NAV3: variants seen among roughly 807,000 people sequenced by gnomAD.
NAV3 encodes pore membrane and/or filament interacting like protein 1.
A neutral mutation model predicts 244.7 loss-of-function variants in NAV3; 87 were observed. That is an observed-to-expected ratio of 0.36 (90% CI 0.30 to 0.42). The LOEUF is 0.42. Among genes scored for constraint, NAV3 ranks in the 20% least tolerant of loss-of-function variants. The pLI is 1.00. For synonymous variants in NAV3, 1,126 were observed against 1,042.2 expected (o/e 1.08, Z -1.55); for missense variants, 2,663 against 2,893.3 (o/e 0.92, Z 1.83).
intron 39 of NAV3, 53 bp downstream of exon 39, chr12:78,205,191 T>A: frequency 1.3e-6 from 2 of 1,523,884 alleles, no homozygotes; most frequent in Non-Finnish European, 1.8e-6. Flanking sequence ...CAGTGTATAG[T>A]CATTAATATT....
At chr12:77,582,273 C>G (rs866400097) in intron 2 of NAV3, among the ~76,000 whole-genome samples, 15 of 152,136 alleles carry the variant, frequency 9.9e-5, no homozygotes, top group Admixed American at 7.9e-4. Flanking sequence ...CAAAGCCTTT[C>G]TAGTGTTTCT....
chr12:77,794,146 C>A (rs1397233062), intron 2 of NAV3, among the ~76,000 whole-genome samples: 4 of 152,200 alleles, frequency 2.6e-5, no homozygotes, highest in Admixed American at 2.6e-4. Flanking sequence ...TGTTCATATA[C>A]TTCACCCACT....
At chr12:78,092,601 G>A (rs1436702917) in intron 12 of NAV3, among the ~76,000 whole-genome samples, 3 of 139,504 alleles carry the variant, frequency 2.2e-5, no homozygotes, top group African/African-American at 8.0e-5. Flanking sequence ...CCGGGTTCAC[G>A]CCATTTTCCT....
At chr12:78,066,299 C>CAAAAT (rs763235818) in intron 12 of NAV3, among the ~76,000 whole-genome samples, 2 of 152,038 alleles carry the variant, frequency 1.3e-5, no homozygotes, top group East Asian at 1.9e-4. Context: ...GTTTTTACCA[C>CAAAAT]AAAATAAAAT....
chr12:77,649,648 T>C (rs1009365412), intron 2 of NAV3, among the ~76,000 whole-genome samples: 1 of 152,198 alleles, frequency 6.6e-6, no homozygotes, highest in African/African-American at 2.4e-5. Context: ...GTGACCTTCA[T>C]ATTTTAATCT....
chr12:77,596,397 A>T (rs887744032), intron 2 of NAV3, among the ~76,000 whole-genome samples: 1 of 152,174 alleles, frequency 6.6e-6, no homozygotes, highest in African/African-American at 2.4e-5. Flanking sequence ...TTCTAGATAT[A>T]TTAGAACATA....
At chr12:77,770,359 C>G (rs910547377) in intron 2 of NAV3, among the ~76,000 whole-genome samples, 1 of 152,072 alleles carries the variant, frequency 6.6e-6, no homozygotes, top group African/African-American at 2.4e-5. Flanking sequence ...TAGAGACCTC[C>G]CAGAGGTTTG....
At chr12:77,885,024 G>T (rs753450172) in intron 1 of NAV3, among the ~76,000 whole-genome samples, 5 of 152,032 alleles carry the variant, frequency 3.3e-5, no homozygotes, top group African/African-American at 4.8e-5. Flanking sequence ...CATCTTTATT[G>T]TTGGAAGAGT....
At chr12:77,956,764 CAG>C (rs1221814586) in intron 3 of NAV3, among the ~76,000 whole-genome samples, 1 of 147,672 alleles carries the variant, frequency 6.8e-6, no homozygotes, top group Non-Finnish European at 1.5e-5. Flanking sequence ...TTATTTGAGA[CAG>C]AGTCTCACTC....
chr12:77,610,304 C>T (rs768062981), intron 2 of NAV3, among the ~76,000 whole-genome samples: 16 of 152,030 alleles, frequency 1.1e-4, no homozygotes, highest in Non-Finnish European at 2.2e-4. Flanking sequence ...ATCTTCCTGC[C>T]GTGTCTCTGA....
At chr12:77,887,678 CTT>C (rs1883448784) in intron 1 of NAV3, among the ~76,000 whole-genome samples, 1 of 152,034 alleles carries the variant, frequency 6.6e-6, no homozygotes, top group African/African-American at 2.4e-5. Flanking sequence ...CTTTGAGAGA[CTT>C]ATTTAGAGAG....
intron 2 of NAV3, among the ~76,000 whole-genome samples, chr12:77,710,053 T>C (rs1395459987): frequency 6.6e-6 from 1 of 152,184 alleles, no homozygotes; most frequent in Non-Finnish European, 1.5e-5. Context: ...ACTATAGTAA[T>C]CTGTGTCTTA....
intron 2 of NAV3, among the ~76,000 whole-genome samples, chr12:77,821,117 G>C (rs1872727397): frequency 6.7e-6 from 1 of 148,642 alleles, no homozygotes; most frequent in Non-Finnish European, 1.5e-5. Flanking sequence ...ACACACAGCT[G>C]TTTTGAAATA....
At chr12:77,750,377 G>T (rs1219069788) in intron 2 of NAV3, among the ~76,000 whole-genome samples, 1 of 151,778 alleles carries the variant, frequency 6.6e-6, no homozygotes, top group African/African-American at 2.4e-5. Flanking sequence ...AAAAATACAA[G>T]AACAGAACAT....
chr12:77,961,692 G>A (rs1178046594), intron 3 of NAV3, among the ~76,000 whole-genome samples: 1 of 145,828 alleles, frequency 6.9e-6, no homozygotes, highest in African/African-American at 2.5e-5. Flanking sequence ...TGTAATATAT[G>A]TTATATAATA....
chr12:78,036,957 T>C (rs1298406373), intron 9 of NAV3: 1 of 702,946 alleles, frequency 1.4e-6, no homozygotes, highest in Non-Finnish European at 2.6e-6. Flanking sequence ...GACCAATCTT[T>C]CCCTCACCAG....
chr12:77,849,234 A>G (rs1000405306), intron 1 of NAV3, among the ~76,000 whole-genome samples: 1 of 137,514 alleles, frequency 7.3e-6, no homozygotes, highest in Non-Finnish European at 1.7e-5. Flanking sequence ...GTTGTATGTA[A>G]TAGTGATTTA....
At chr12:78,054,709 T>C (rs1177487464) in intron 11 of NAV3, among the ~76,000 whole-genome samples, 1 of 152,086 alleles carries the variant, frequency 6.6e-6, no homozygotes, top group Non-Finnish European at 1.5e-5. Context: ...GGACTACCCA[T>C]GAAGGCATAA....
chr12:78,148,132 T>C lies in NAV3; in HGVS notation c.4708-710T>C, dbSNP rs55855109. ...TTAGAATATACATTATATTGGTTTA[T>C]CTAATTAGTTGCACCTATCATTGGT... On this transcript the variant is annotated intron_variant, in intron 21 of 39. Coordinates refer to ENST00000397909, the MANE Select transcript of NAV3 (RefSeq NM_001024383.2). Among the ~76,000 whole-genome samples the C allele has an allele frequency of 2.9e-3, 437 of 152,224 alleles. 3 individuals carry two copies. The highest frequency in any genetic ancestry group is 9.6e-3 in the African/African-American group (400 of 41,564).
Sources: allele counts gnomAD v4.1 joint callset (sites outside exome capture counted in the v4.1 genomes callset), GRCh38; gene constraint gnomAD v4.1.1; transcripts MANE v1.5; gene names NCBI Gene and HGNC (gene_info 2026-07-23, HGNC 2026-07-21).